PTPRD: variants seen among roughly 807,000 people sequenced by gnomAD.
PTPRD encodes receptor-type tyrosine-protein phosphatase delta.
PTPRD carries 34 observed loss-of-function variants against 214.5 expected under a neutral mutation model. The ratio of observed to expected loss-of-function variants is 0.16; its 90% confidence interval spans 0.12 to 0.21. PTPRD has a LOEUF of 0.21. PTPRD is among the 10% of genes least tolerant of loss of function. PTPRD has a pLI of 1.00. For synonymous variants in PTPRD, 1,128 were observed against 845.7 expected (o/e 1.33, Z -5.79); for missense variants, 2,545 against 2,398.7 (o/e 1.06, Z -1.27).
At chr9:9,491,346 T>C (rs2095886320) in intron 8 of PTPRD, among the ~76,000 whole-genome samples, 2 of 151,922 alleles carry the variant, frequency 1.3e-5, no homozygotes, top group Admixed American at 6.6e-5. Context: ...ACGATAATAG[T>C]TGGGGACTTT....
chr9:8,817,430 C>T (rs1457514514), intron 11 of PTPRD, among the ~76,000 whole-genome samples: 1 of 152,156 alleles, frequency 6.6e-6, no homozygotes, highest in Non-Finnish European at 1.5e-5. Context: ...GCCTGGACAA[C>T]ATAGTGACAC....
chr9:9,832,593 A>G (rs906241482), intron 5 of PTPRD, among the ~76,000 whole-genome samples: 1 of 152,006 alleles, frequency 6.6e-6, no homozygotes, highest in Non-Finnish European at 1.5e-5. Flanking sequence ...AGGGTAATTT[A>G]GGTTTGGGGG....
chr9:9,071,546 T>G (rs1180521882), intron 10 of PTPRD, among the ~76,000 whole-genome samples: 2 of 152,126 alleles, frequency 1.3e-5, no homozygotes, highest in Admixed American at 1.3e-4. Context: ...CCCTGGGAAC[T>G]ATGGATGGCC....
intron 2 of PTPRD, among the ~76,000 whole-genome samples, chr9:10,481,558 G>C (rs527292459): frequency 6.6e-6 from 1 of 152,120 alleles, no homozygotes; most frequent in South Asian, 2.1e-4. Flanking sequence ...TGTTATCAAT[G>C]TCTCTTAGCC....
At chr9:10,578,703 A>G (rs145895278) in intron 2 of PTPRD, among the ~76,000 whole-genome samples, 24 of 152,240 alleles carry the variant, frequency 1.6e-4, no homozygotes, top group African/African-American at 5.8e-4. Context: ...CAGCATTGCC[A>G]CTTTCGTTCA....
At chr9:9,083,600 T>C (rs1441072759) in intron 10 of PTPRD, among the ~76,000 whole-genome samples, 1 of 152,012 alleles carries the variant, frequency 6.6e-6, no homozygotes, top group African/African-American at 2.4e-5. Flanking sequence ...GAAACTATCA[T>C]CAGAGTGAAC....
At chr9:8,393,209 T>C (rs910421614) in intron 36 of PTPRD, among the ~76,000 whole-genome samples, 3 of 152,184 alleles carry the variant, frequency 2.0e-5, no homozygotes, top group African/African-American at 7.2e-5. Flanking sequence ...AATGATTTGC[T>C]TCTGCTAATG....
At chr9:10,011,846 T>A (rs2096606603) in intron 4 of PTPRD, among the ~76,000 whole-genome samples, 1 of 151,972 alleles carries the variant, frequency 6.6e-6, no homozygotes, top group Non-Finnish European at 1.5e-5. Context: ...TTGTATTTAA[T>A]CAGTAATCAG....
intron 3 of PTPRD, among the ~76,000 whole-genome samples, chr9:10,095,357 C>A (rs1591022238): frequency 6.6e-6 from 1 of 151,418 alleles, no homozygotes; most frequent in East Asian, 1.9e-4. Context: ...TGTCAGGAAT[C>A]CATAGTTGTT....
chr9:9,422,802 T>A (rs1228120928), intron 8 of PTPRD, among the ~76,000 whole-genome samples: 1 of 152,150 alleles, frequency 6.6e-6, no homozygotes, highest in Non-Finnish European at 1.5e-5. Context: ...GAGATAGTTT[T>A]CCTTGAGACC....
chr9:10,217,184 C>G (rs971979806), intron 3 of PTPRD, among the ~76,000 whole-genome samples: 1 of 151,574 alleles, frequency 6.6e-6, no homozygotes, highest in African/African-American at 2.4e-5. Context: ...GTTGTATTTA[C>G]TTGTGAAACA....
At chr9:9,557,964 A>C (rs2081948873) in intron 8 of PTPRD, among the ~76,000 whole-genome samples, 1 of 152,196 alleles carries the variant, frequency 6.6e-6, no homozygotes, top group South Asian at 2.1e-4. Flanking sequence ...TGTCCACCCT[A>C]TCTTGGCTGC....
At chr9:10,266,301 A>G (rs1053862095) in intron 3 of PTPRD, among the ~76,000 whole-genome samples, 2 of 152,188 alleles carry the variant, frequency 1.3e-5, no homozygotes, top group South Asian at 2.1e-4. Flanking sequence ...AATTGCAAGT[A>G]TCTTAGTATG....
intron 21 of PTPRD, among the ~76,000 whole-genome samples, chr9:8,508,367 T>C (rs2097583142): frequency 6.6e-6 from 1 of 152,236 alleles, no homozygotes; most frequent in African/African-American, 2.4e-5. Flanking sequence ...CCTCTATCCA[T>C]TATACACAAG....
intron 3 of PTPRD, among the ~76,000 whole-genome samples, chr9:10,334,572 C>T (rs954961709): frequency 7.9e-5 from 12 of 151,382 alleles, no homozygotes; most frequent in South Asian, 2.1e-4. Flanking sequence ...GATAATATTA[C>T]GAGAAAAGGA....
chr9:9,958,242 T>C (rs1046845546), intron 4 of PTPRD, among the ~76,000 whole-genome samples: 6 of 152,134 alleles, frequency 3.9e-5, no homozygotes, highest in Non-Finnish European at 7.4e-5. Flanking sequence ...TAAAAACTTA[T>C]GCTGTGGCTG....
At chr9:9,203,896 T>C (rs553283933) in intron 9 of PTPRD, among the ~76,000 whole-genome samples, 3 of 152,284 alleles carry the variant, frequency 2.0e-5, no homozygotes, top group East Asian at 3.9e-4. Flanking sequence ...ATGAGAAGAA[T>C]TGGAGAAAGA....
intron 3 of PTPRD, among the ~76,000 whole-genome samples, chr9:10,225,838 A>G (rs1425795065): frequency 6.6e-6 from 1 of 152,112 alleles, no homozygotes; most frequent in African/African-American, 2.4e-5. Context: ...GTATTGGAAT[A>G]AGACATCTTT....
intron 9 of PTPRD, among the ~76,000 whole-genome samples, chr9:9,358,646 T>C (rs1276517102): frequency 6.6e-6 from 1 of 151,284 alleles, no homozygotes; most frequent in Non-Finnish European, 1.5e-5. Flanking sequence ...AACCAACTTA[T>C]CTATAAGCTT....
Sources: allele counts gnomAD v4.1 joint callset (sites outside exome capture counted in the v4.1 genomes callset), GRCh38; gene constraint gnomAD v4.1.1; transcripts MANE v1.5; gene names NCBI Gene and HGNC (gene_info 2026-07-23, HGNC 2026-07-21).